BRD10: variants seen among roughly 807,000 people sequenced by gnomAD.
BRD10 encodes bromodomain containing 10.
At chr9:5,955,740 T>A in the BRD10 span, among the ~76,000 whole-genome samples, 1 of 149,558 alleles carries the variant, frequency 6.7e-6, no homozygotes, top group Non-Finnish European at 1.5e-5. Context: ...ACCCAACATA[T>A]ATTTCTTTAT....
At chr9:5,943,045 T>C in the BRD10 span, among the ~76,000 whole-genome samples, 7 of 152,108 alleles carry the variant, frequency 4.6e-5, no homozygotes, top group African/African-American at 1.4e-4. Flanking sequence ...GCTGAGCTAA[T>C]TTTTTATTTT....
At chr9:5,947,784 T>C in the BRD10 span, among the ~76,000 whole-genome samples, 2 of 152,264 alleles carry the variant, frequency 1.3e-5, no homozygotes, top group East Asian at 1.9e-4. Context: ...CAACTTCATA[T>C]GATGTTTTTA....
the BRD10 span, among the ~76,000 whole-genome samples, chr9:5,939,091 A>G: frequency 6.6e-6 from 1 of 152,152 alleles, no homozygotes; most frequent in South Asian, 2.1e-4. Flanking sequence ...ATCCTTCAAT[A>G]GAATAGAATA....
At chr9:5,913,026 A>G in the BRD10 span, among the ~76,000 whole-genome samples, 1 of 152,216 alleles carries the variant, frequency 6.6e-6, no homozygotes, top group East Asian at 1.9e-4. Flanking sequence ...GATGCTTAAG[A>G]CAAGGCTCAA....
the BRD10 span, among the ~76,000 whole-genome samples, chr9:5,948,946 A>G: frequency 6.6e-6 from 1 of 152,126 alleles, no homozygotes. Flanking sequence ...AACAAGGACT[A>G]CTTAAAAACT....
At chr9:5,880,840 G>C in the BRD10 span, among the ~76,000 whole-genome samples, 3 of 151,962 alleles carry the variant, frequency 2.0e-5, no homozygotes, top group Non-Finnish European at 4.4e-5. Flanking sequence ...GAGTAGCTAG[G>C]ATTACAGGCG....
At chr9:5,897,912 AAATG>A in the BRD10 span, among the ~76,000 whole-genome samples, 38 of 152,348 alleles carry the variant, frequency 2.5e-4, no homozygotes, top group African/African-American at 9.1e-4. Context: ...ATTTATAAAT[AAATG>A]AAATTCATTT....
chr9:6,004,641 C>T, the BRD10 span, among the ~76,000 whole-genome samples: 1 of 152,136 alleles, frequency 6.6e-6, no homozygotes, highest in Non-Finnish European at 1.5e-5. Context: ...CAAATAATAT[C>T]TAAGTGATTC....
the BRD10 span, among the ~76,000 whole-genome samples, chr9:5,973,278 C>T: frequency 6.6e-6 from 1 of 151,964 alleles, no homozygotes; most frequent in Non-Finnish European, 1.5e-5. Context: ...ACCAGCCTGG[C>T]CAACAAGGTG....
the BRD10 span, chr9:5,919,229 A>G: frequency 6.5e-6 from 1 of 154,184 alleles, no homozygotes; most frequent in African/African-American, 2.4e-5. Flanking sequence ...ATTTTTCACA[A>G]TGCATAAATA....
chr9:5,914,653 G>C, the BRD10 span, among the ~76,000 whole-genome samples: 20 of 151,930 alleles, frequency 1.3e-4, no homozygotes, highest in Admixed American at 7.9e-4. Context: ...TCGATCTCCT[G>C]ACCTCGTGAT....
the BRD10 span, among the ~76,000 whole-genome samples, chr9:5,946,989 A>T: frequency 7.0e-3 from 1,067 of 152,200 alleles, 17 homozygotes; most frequent in African/African-American, 0.025. Context: ...ATGAAGACAT[A>T]TACCTCTACA....
the BRD10 span, among the ~76,000 whole-genome samples, chr9:5,916,898 G>C: frequency 1.3e-5 from 2 of 152,070 alleles, no homozygotes; most frequent in African/African-American, 4.8e-5. Context: ...ATGAATTCAG[G>C]AATTTAACTT....
chr9:5,947,847 A>G, the BRD10 span, among the ~76,000 whole-genome samples: 1 of 151,810 alleles, frequency 6.6e-6, no homozygotes, highest in Admixed American at 6.6e-5. Flanking sequence ...GAGAACAAAG[A>G]TTTTTTTTTA....
At chr9:5,915,816 A>G in the BRD10 span, among the ~76,000 whole-genome samples, 1 of 152,168 alleles carries the variant, frequency 6.6e-6, no homozygotes, top group African/African-American at 2.4e-5. Flanking sequence ...CTTCTACATT[A>G]TATGGTTCTC....
At chr9:5,999,015 A>C in the BRD10 span, among the ~76,000 whole-genome samples, 1 of 152,026 alleles carries the variant, frequency 6.6e-6, no homozygotes, top group Non-Finnish European at 1.5e-5. Context: ...AACTGTTACA[A>C]ATATAAATTT....
At chr9:5,988,455 C>A in the BRD10 span, 1 of 1,613,906 alleles carries the variant, frequency 6.2e-7, no homozygotes, top group Non-Finnish European at 8.5e-7. Flanking sequence ...TTGACCGACG[C>A]CTTGTTGAGG....
chr9:5,983,622 C>G, the BRD10 span, among the ~76,000 whole-genome samples: 12 of 152,040 alleles, frequency 7.9e-5, no homozygotes, highest in African/African-American at 1.9e-4. Context: ...AAACAGTTCA[C>G]TGGATTAGAC....
chr9:5,924,252 T>C, the BRD10 span, among the ~76,000 whole-genome samples: 3 of 151,926 alleles, frequency 2.0e-5, no homozygotes, highest in Non-Finnish European at 2.9e-5. Flanking sequence ...TACTGGCTCC[T>C]GAAACTCCTA....
Sources: allele counts gnomAD v4.1 joint callset (sites outside exome capture counted in the v4.1 genomes callset), GRCh38; gene constraint gnomAD v4.1.1; transcripts MANE v1.5; gene names NCBI Gene and HGNC (gene_info 2026-07-23, HGNC 2026-07-21).